Variants in C15orf40 observed in about 807,000 individuals in gnomAD.
The protein encoded by C15orf40 is chromosome 15 open reading frame 40, also known as UPF0235 protein C15orf40.
C15orf40 carries 9 observed loss-of-function variants against 13.9 expected under a neutral mutation model. That is an observed-to-expected ratio of 0.65 (90% confidence interval 0.39 to 1.13). The LOEUF is 1.13. Ranked by LOEUF, C15orf40 falls within the 50% of genes most tolerant of loss-of-function variation. C15orf40 has a pLI of 0.01. For missense variants in C15orf40, 225 were observed against 188.5 expected, an observed-to-expected ratio of 1.19 and a Z score of -1.13; for synonymous variants, 95 against 69.2, an observed-to-expected ratio of 1.37 and a Z score of -1.85.
intron 1 of C15orf40, 79 bp downstream of exon 1, chr15:83,011,418 C>G: frequency 6.8e-7 from 1 of 1,468,198 alleles, no homozygotes; most frequent in Non-Finnish European, 9.1e-7. Flanking sequence ...CCACTCACTC[C>G]CGGGCCCCGC....
At chr15:83,011,347 G>A (rs890399669) in intron 1 of C15orf40, 150 bp downstream of exon 1, 1 of 826,650 alleles carries the variant, frequency 1.2e-6, no homozygotes. Flanking sequence ...CGCAGCTCTG[G>A]GGGTGGCGGC....
rs556801089 is a variant in C15orf40, at chr15:82,999,717, G to A, written c.*5880C>T. ...CCTAAGGCTTTGAAACAGTTTGAAC[G>A]TCACTGCGATAGTAAAAACACATCA... On this transcript the variant is annotated 3_prime_UTR_variant, in exon 4 of 4. Coordinates refer to ENST00000304177, the MANE Select transcript of C15orf40 (RefSeq NM_144597.3). The A allele has an allele frequency of 1.3e-5, 2 of 152,224 alleles. No homozygotes were observed. The highest frequency in any genetic ancestry group is 2.1e-4 in the South Asian group (1 of 4,814). 9.4% of individuals were successfully genotyped at this position (152,224 alleles called of 1,614,324 possible).
chr15:83,007,073 G>A (rs1472353738), intron 3 of C15orf40, among the ~76,000 whole-genome samples: 1 of 152,134 alleles, frequency 6.6e-6, no homozygotes, highest in African/African-American at 2.4e-5. Flanking sequence ...AACATGGCTG[G>A]GCCCCCCTCC....
At chr15:82,989,576 C>T (rs968107804), downstream of C15orf40, among the ~76,000 whole-genome samples, 4 of 152,098 alleles carry the variant, frequency 2.6e-5, no homozygotes, top group African/African-American at 7.2e-5. Context: ...TCAAAATAGT[C>T]AAAGGAATAA....
chr15:82,992,163 G>A (rs2030890439), downstream of C15orf40: 1 of 361,778 alleles, frequency 2.8e-6, no homozygotes, highest in Non-Finnish European at 5.4e-6. Flanking sequence ...AGACTACAGT[G>A]AGCTAGGATC....
chr15:83,011,617 G>C lies in C15orf40; in HGVS notation c.-10C>G, dbSNP rs1303325936. On this transcript the variant is annotated 5_prime_UTR_variant, in exon 1 of 4. Transcript: ENST00000304177. Reference sequence around the variant, plus strand: ...TGCGGAGCCGCAGCATCCCCGCCTGGGAAGGCGCCGGAAGAGCCCTCTGCG... The same window carrying C: ...TGCGGAGCCGCAGCATCCCCGCCTGCGAAGGCGCCGGAAGAGCCCTCTGCG... 3.9e-6 allele frequency: 6 copies of C among 1,557,796 alleles called. No homozygotes were observed. The Admixed American group carries it at 5.5e-5, about 14-fold the overall frequency.
At chr15:83,008,456 T>C in intron 3 of C15orf40, 92 bp downstream of exon 3, 1 of 1,312,564 alleles carries the variant, frequency 7.6e-7, no homozygotes. Flanking sequence ...GAGGTGGAGG[T>C]TGCAGTGAGC....
Position 82,995,564 on chromosome 15 carries a change from C to G in C15orf40, c.*10033G>C, listed in dbSNP as rs887733256. 7 of 152,524 alleles carry G rather than the reference C, an allele frequency of 4.6e-5. No homozygotes were observed. The highest frequency in any genetic ancestry group is 1.7e-4 in the African/African-American group (7 of 41,570). 9.4% of individuals were successfully genotyped at this position (152,524 alleles called of 1,614,324 possible). A position where few individuals can be genotyped will look rare whatever the true frequency, so the allele number is the denominator to read the frequency against. ...CTTTGGGAGGCCAAGGTGGAAGGATCACCTGAGGTCAGGAGTTCCAGACCA... is the reference window on the plus strand; with the variant it reads ...CTTTGGGAGGCCAAGGTGGAAGGATGACCTGAGGTCAGGAGTTCCAGACCA... On this transcript the variant is annotated 3_prime_UTR_variant, in exon 4 of 4. Coordinates refer to ENST00000304177, the MANE Select transcript of C15orf40 (RefSeq NM_144597.3).
rs116091515 is a variant in C15orf40 at position 83,008,566 on chromosome 15, A to G, written c.348T>C (p.Ser116=). 5 of 1,612,872 alleles carry G rather than the reference A, an allele frequency of 3.1e-6. No homozygotes were observed. In the South Asian group the frequency reaches 4.4e-5, roughly 14 times the overall value. ...YLSKVLELRK[S]DVVLDKGGKS... The stretch of plus-strand genomic sequence containing the variant: ...GACCTACCTTATCCAAAACCACATC[A>G]CTCTTCCTGAGTTCTAGGACCTTGG... The change falls in exon 3 of 4, where the codon AGT becomes AGC. Residue 116 remains serine (S), a synonymous_variant. Coordinates refer to ENST00000304177, the MANE Select transcript of C15orf40 (RefSeq NM_144597.3).
Position 83,011,593 on chromosome 15 carries a change from G to A in C15orf40, c.15C>T (p.Arg5=), listed in dbSNP as rs746466728. Reference sequence around the variant, plus strand: ...TTGCCCGAAGGTGCCTCAGCCCGCTGCGGAGCCGCAGCATCCCCGCCTGGG... The same window carrying A: ...TTGCCCGAAGGTGCCTCAGCCCGCTACGGAGCCGCAGCATCCCCGCCTGGG... The part of the protein sequence containing the change: MLRL[R]SGLRHLRATP... Residue 5 remains arginine, a synonymous_variant, in exon 1 of 4, where the codon CGC becomes CGT. Transcript: ENST00000304177. 6 of 1,589,154 alleles carry A rather than the reference G, an allele frequency of 3.8e-6. No homozygotes were observed. Among genetic ancestry groups the A allele is most frequent in the African/African-American group, 1.4e-5 (1 of 73,882 alleles).
At chr15:82,993,384 C>T (rs116335818), downstream of C15orf40, among the ~76,000 whole-genome samples, 27 of 152,224 alleles carry the variant, frequency 1.8e-4, no homozygotes, top group African/African-American at 6.0e-4. Flanking sequence ...GGGCAGAAGA[C>T]GTTGAGAATT....
chr15:83,009,209 C>CA (rs1490054049), intron 2 of C15orf40, among the ~76,000 whole-genome samples: 1 of 152,202 alleles, frequency 6.6e-6, no homozygotes, highest in Non-Finnish European at 1.5e-5. Flanking sequence ...ACTTACTATA[C>CA]ACCAATTTTA....
Position 83,001,424 on chromosome 15 carries a change from G to A in C15orf40, c.*4173C>T, listed in dbSNP as rs546877438. The A allele has an allele frequency of 7.6e-5, 33 of 432,124 alleles. No individual in the cohort carries two copies. Among genetic ancestry groups the A allele is most frequent in the African/African-American group, 5.1e-4 (24 of 46,872 alleles). 26.8% of individuals were successfully genotyped at this position (432,124 alleles called of 1,614,324 possible). On this transcript the variant is annotated 3_prime_UTR_variant, in exon 4 of 4. Transcript: ENST00000304177. ...ATGCAGTGCTAGAACATCATATGTC[G>A]GCATAGTTGGATAAATATTTTTCAA...
intron 3 of C15orf40, chr15:83,008,068 T>G (rs2031788059): frequency 6.3e-6 from 1 of 159,580 alleles, no homozygotes. Flanking sequence ...GGTGGGTGCC[T>G]GTAATCCCAA....
Position 83,000,090 on chromosome 15 carries a change from G to C in C15orf40, c.*5507C>G, listed in dbSNP as rs1596403548. 1 of 152,100 alleles carries C rather than the reference G, an allele frequency of 6.6e-6. No individual in the cohort carries two copies. The highest frequency in any genetic ancestry group is 6.6e-5 in the Admixed American group (1 of 15,260). 9.4% of individuals were successfully genotyped at this position (152,100 alleles called of 1,614,324 possible). A position where few individuals can be genotyped will look rare whatever the true frequency, so the allele number is the denominator to read the frequency against. On this transcript the variant is annotated 3_prime_UTR_variant, in exon 4 of 4. Transcript: ENST00000304177. ...AGATGGTCATAGCTCCCTTACCCTG[G>C]CCCCTAATTTCCCTGGCTCTGATTC...
Position 83,004,726 on chromosome 15 carries a change from GT to G in C15orf40, c.*870del, listed in dbSNP as rs2031581219. The G allele has an allele frequency of 1.2e-6, 1 of 832,710 alleles. No homozygotes were observed. Among genetic ancestry groups the G allele is most frequent in the Non-Finnish European group, 1.3e-6 (1 of 746,562 alleles). The allele number at this position is 832,710 out of a possible 1,614,324, so 51.6% of individuals were successfully genotyped here. A position where few individuals can be genotyped will look rare whatever the true frequency, so the allele number is the denominator to read the frequency against. On this transcript the variant is annotated 3_prime_UTR_variant, in exon 4 of 4. Transcript: ENST00000304177. ...ATGGTAAATATAGTCTTTAAAAGAT[GT>G]AAAAAAAAAATTTTTTTTACATTTA...
downstream of C15orf40, chr15:82,990,425 G>A (rs2030805745): frequency 4.1e-6 from 2 of 487,810 alleles, no homozygotes; most frequent in South Asian, 5.9e-5. Context: ...GTATCCATAT[G>A]CTTAGATGTG....
chr15:83,008,417 G>T, intron 3 of C15orf40, 131 bp downstream of exon 3: 2 of 891,522 alleles, frequency 2.2e-6, no homozygotes, highest in Non-Finnish European at 3.5e-6. Context: ...TACTCAGGAA[G>T]CTGAGGCAGG....
In C15orf40 at chr15:83,001,268, T is replaced by C; in HGVS notation, c.*4329A>G. ...TGAGCCAGGCTGTTCTTTCCCAGGA[T>C]CTGTCGAAGTACAGCATAGGCAAAC... On this transcript the variant is annotated 3_prime_UTR_variant, in exon 4 of 4. Transcript: ENST00000304177. The C allele has an allele frequency of 1.0e-6, 1 of 985,456 alleles. No homozygotes were observed. Among genetic ancestry groups the C allele is most frequent in the Non-Finnish European group, 1.2e-6 (1 of 829,954 alleles). The allele number at this position is 985,456 out of a possible 1,614,324, so 61.0% of individuals were successfully genotyped here. A position where few individuals can be genotyped will look rare whatever the true frequency, so the allele number is the denominator to read the frequency against.
Sources: allele counts gnomAD v4.1 joint callset (sites outside exome capture counted in the v4.1 genomes callset), GRCh38; gene constraint gnomAD v4.1.1; transcripts MANE v1.5; gene names NCBI Gene and HGNC (gene_info 2026-07-23, HGNC 2026-07-21).